Variants in PLS1 observed in about 807,000 individuals in gnomAD.
PLS1 encodes plastin-1.
In PLS1, 32 loss-of-function variants were observed where a neutral mutation model predicts 73.7. The ratio of observed to expected loss-of-function variants is 0.43; its 90% CI spans 0.33 to 0.58. The LOEUF (loss-of-function observed/expected upper bound fraction) is 0.58, where lower values mean the gene tolerates loss of function less well. PLS1 is among the 20% of genes least tolerant of loss of function. The pLI is 0.04. For missense variants in PLS1, 633 were observed against 740.5 expected (o/e 0.85, Z 1.68); for synonymous variants, 217 against 261.3 (o/e 0.83, Z 1.63).
chr3:142,597,110 C>T (rs1454498176), intron 1 of PLS1: 2 of 152,140 alleles, frequency 1.3e-5, no homozygotes, highest in Non-Finnish European at 2.9e-5. Context: ...TACTGTATTT[C>T]GGTCTTCATT....
chr3:142,707,068 C>T (rs2038477113), intron 14 of PLS1, among the ~76,000 whole-genome samples: 1 of 152,110 alleles, frequency 6.6e-6, no homozygotes, highest in South Asian at 2.1e-4. Flanking sequence ...TAGAGAACAG[C>T]CGACCTGAGA....
chr3:142,639,923 A>G (rs2036793662), intron 1 of PLS1, among the ~76,000 whole-genome samples: 1 of 152,246 alleles, frequency 6.6e-6, no homozygotes, highest in South Asian at 2.1e-4. Context: ...ATTGAATTGA[A>G]TTGAGAGCCA....
chr3:142,603,600 A>C (rs1344215908), intron 1 of PLS1, among the ~76,000 whole-genome samples: 1 of 151,960 alleles, frequency 6.6e-6, no homozygotes, highest in African/African-American at 2.4e-5. Context: ...GCAACATGGC[A>C]AAACATCGTC....
intron 1 of PLS1, among the ~76,000 whole-genome samples, chr3:142,633,181 G>A (rs1408058513): frequency 1.3e-5 from 2 of 152,164 alleles, no homozygotes; most frequent in South Asian, 2.1e-4. Context: ...TAGAGTAGTC[G>A]AAATCACAGA....
chr3:142,614,530 G>GA (rs2036180840), intron 1 of PLS1, among the ~76,000 whole-genome samples: 1 of 152,116 alleles, frequency 6.6e-6, no homozygotes, highest in African/African-American at 2.4e-5. Context: ...GATTTTAAAT[G>GA]AAAAAACAGA....
intron 1 of PLS1, among the ~76,000 whole-genome samples, chr3:142,600,169 T>C (rs566234798): frequency 2.6e-5 from 4 of 152,184 alleles, no homozygotes; most frequent in African/African-American, 9.6e-5. Flanking sequence ...GTGTGTGTCA[T>C]CGGAAGAGGT....
chr3:142,672,590 G>A (rs762672111), intron 4 of PLS1, among the ~76,000 whole-genome samples: 5 of 151,898 alleles, frequency 3.3e-5, no homozygotes, highest in Admixed American at 6.6e-5. Context: ...TGATCCACCC[G>A]CCTTGGCCTC....
intron 11 of PLS1, among the ~76,000 whole-genome samples, chr3:142,695,757 C>CTTATTTATTTATTTAT (rs1305943795): frequency 1.5e-5 from 2 of 135,026 alleles, no homozygotes; most frequent in African/African-American, 6.1e-5. Flanking sequence ...AGTAAGGAGA[C>CTTATTTATTTATTTAT]TTACTTATTT....
At chr3:142,648,883 C>A (rs577276996) in intron 1 of PLS1, among the ~76,000 whole-genome samples, 1 of 152,290 alleles carries the variant, frequency 6.6e-6, no homozygotes, top group East Asian at 1.9e-4. Context: ...TCAGGCACCA[C>A]TTTGGAAATC....
At chr3:142,686,845 A>C (rs144572153) in intron 9 of PLS1, among the ~76,000 whole-genome samples, 1 of 152,210 alleles carries the variant, frequency 6.6e-6, no homozygotes, top group African/African-American at 2.4e-5. Context: ...TGTGGAATCA[A>C]TCCTACATTC....
At chr3:142,685,448 G>A (rs1337723203) in intron 8 of PLS1, among the ~76,000 whole-genome samples, 1 of 152,086 alleles carries the variant, frequency 6.6e-6, no homozygotes, top group Non-Finnish European at 1.5e-5. Context: ...ATCTTGGCTG[G>A]GTGGTTCTTC....
chr3:142,711,263 C>T (rs776728419), intron 14 of PLS1, among the ~76,000 whole-genome samples: 1 of 152,050 alleles, frequency 6.6e-6, no homozygotes, highest in Non-Finnish European at 1.5e-5. Context: ...TACTTAGGAG[C>T]TATCATGTCC....
intron 4 of PLS1, among the ~76,000 whole-genome samples, chr3:142,675,684 G>GTT (rs370194834): frequency 1.4e-5 from 2 of 141,856 alleles, no homozygotes; most frequent in African/African-American, 2.6e-5. Flanking sequence ...CGTGCTCCCC[G>GTT]TTTTTTTTTT....
At chr3:142,599,178 G>GAATA (rs199708068) in intron 1 of PLS1, among the ~76,000 whole-genome samples, 18,660 of 146,754 alleles carry the variant, frequency 0.13, 1,322 homozygotes, top group African/African-American at 0.17. Context: ...ATGAATGAAT[G>GAATA]AATAAATAAA....
intron 1 of PLS1, among the ~76,000 whole-genome samples, chr3:142,610,709 A>G (rs1025422732): frequency 6.6e-6 from 1 of 151,910 alleles, no homozygotes; most frequent in Non-Finnish European, 1.5e-5. Flanking sequence ...GATGACAAAG[A>G]CTCTCGCTGG....
chr3:142,670,556 TGA>T (rs1372293141), intron 3 of PLS1, among the ~76,000 whole-genome samples: 1 of 152,148 alleles, frequency 6.6e-6, no homozygotes, highest in African/African-American at 2.4e-5. Context: ...GTGAGTCCAG[TGA>T]GAGAGTGATT....
intron 1 of PLS1, among the ~76,000 whole-genome samples, chr3:142,631,123 T>A (rs930671152): frequency 1.3e-4 from 19 of 151,952 alleles, no homozygotes; most frequent in South Asian, 1.0e-3. Flanking sequence ...ATGTCTGTAA[T>A]CCCAACACTT....
At chr3:142,652,943 G>A (rs990035168) in intron 1 of PLS1, among the ~76,000 whole-genome samples, 5 of 152,286 alleles carry the variant, frequency 3.3e-5, no homozygotes, top group Middle Eastern at 3.4e-3. Context: ...CAGAGCTGTG[G>A]TGCCAGCAGC....
At chr3:142,706,079 AATATTAAACATGTAT>A (rs2038456575) in intron 14 of PLS1, among the ~76,000 whole-genome samples, 1 of 152,210 alleles carries the variant, frequency 6.6e-6, no homozygotes, top group Admixed American at 6.5e-5. Context: ...CATTATAGAA[AATATTAAACATGTAT>A]ATAGTTAATA....
Sources: allele counts gnomAD v4.1 joint callset (sites outside exome capture counted in the v4.1 genomes callset), GRCh38; gene constraint gnomAD v4.1.1; transcripts MANE v1.5; gene names NCBI Gene and HGNC (gene_info 2026-07-23, HGNC 2026-07-21).